NFE2L2: variants seen among roughly 807,000 people sequenced by gnomAD.
NFE2L2 encodes the protein NFE2 like bZIP transcription factor 2, also known as nuclear factor erythroid 2-related factor 2.
Under a neutral mutation model 49.6 loss-of-function variants are expected in NFE2L2, and 20 were observed. That is an observed-to-expected ratio of 0.40 (90% CI 0.28 to 0.59). NFE2L2 has a LOEUF of 0.59. Ranked by LOEUF, NFE2L2 falls within the 20% of genes least tolerant of loss-of-function variation. The probability of loss-of-function intolerance (pLI) is 0.40; values close to 1 mark genes in which losing one functional copy is unlikely to be tolerated. For synonymous variants in NFE2L2, 244 were observed against 256.5 expected (o/e 0.95, Z 0.47); for missense variants, 578 against 714.2 (o/e 0.81, Z 2.17).
intron 1 of NFE2L2, among the ~76,000 whole-genome samples, chr2:177,242,008 A>G (rs187169453): frequency 1.7e-4 from 26 of 152,318 alleles, no homozygotes; most frequent in African/African-American, 6.3e-4. Context: ...GTATCTGCCT[A>G]TTTACTTCTC....
intron 1 of NFE2L2, among the ~76,000 whole-genome samples, chr2:177,239,996 T>C (rs1375736134): frequency 6.6e-6 from 1 of 151,972 alleles, no homozygotes; most frequent in African/African-American, 2.4e-5. Flanking sequence ...AGACTCACTG[T>C]TGGGGACCAC....
Position 177,231,340 on chromosome 2 carries a change from T to C in NFE2L2, c.1263A>G (p.Gln421=), listed in dbSNP as rs953784008. The change falls in exon 5 of 5, where the codon CAA becomes CAG. Residue 421 remains glutamine (Q), a synonymous_variant. Coordinates refer to ENST00000397062, the MANE Select transcript of NFE2L2 (RefSeq NM_006164.5). ...ATTCTTTCTCTGGTGTGTTCTCACA[T>C]TGGGCATCATGCACGTGAGTGCTCT... ...QGQSTHVHDA[Q]CENTPEKELP... 1.1e-5 allele frequency: 17 copies of C among 1,614,158 alleles called. No homozygotes were observed. The highest frequency in any genetic ancestry group is 4.5e-5 in the East Asian group (2 of 44,908).
At chr2:177,260,526 T>C (rs1690694809) in intron 1 of NFE2L2, among the ~76,000 whole-genome samples, 1 of 152,234 alleles carries the variant, frequency 6.6e-6, no homozygotes, top group African/African-American at 2.4e-5. Flanking sequence ...GCCCTTATGC[T>C]TGCTATAGTT....
intron 1 of NFE2L2, among the ~76,000 whole-genome samples, chr2:177,260,435 C>T (rs1342607057): frequency 6.6e-6 from 1 of 152,146 alleles, no homozygotes; most frequent in African/African-American, 2.4e-5. Flanking sequence ...AACAACTTAA[C>T]AATAAGGACT....
In NFE2L2 at chr2:177,233,241, A is replaced by G. The variant is rs1191100923; in HGVS notation, c.402+9T>C. 2 of 1,580,226 alleles carry G rather than the reference A, an allele frequency of 1.3e-6. No individual in the cohort carries two copies. The highest frequency in any genetic ancestry group is 1.7e-6 in the Non-Finnish European group (2 of 1,168,880). The stretch of plus-strand genomic sequence containing the variant: ...GTTTTTCTATTAACCAGGTTATTTT[A>G]TACCTCACCTCATTGTCATCTACAA... On this transcript the variant is annotated intron_variant, in intron 3 of 4. Transcript: ENST00000397062.
chr2:177,239,715 G>T (rs1401722371), intron 1 of NFE2L2, among the ~76,000 whole-genome samples: 1 of 151,872 alleles, frequency 6.6e-6, no homozygotes, highest in African/African-American at 2.4e-5. Context: ...TGCTATGAGA[G>T]GTCTCAAAAC....
At chr2:177,247,512 T>A (rs1038316303) in intron 1 of NFE2L2, among the ~76,000 whole-genome samples, 1 of 151,550 alleles carries the variant, frequency 6.6e-6, no homozygotes, top group Admixed American at 6.6e-5. Context: ...ATACAAAAAA[T>A]TAGCCGGGCG....
chr2:177,261,170 C>CAAAAAAA (rs59040355), intron 1 of NFE2L2, among the ~76,000 whole-genome samples: 6 of 120,104 alleles, frequency 5.0e-5, no homozygotes, highest in East Asian at 2.7e-4. Flanking sequence ...GACTTCATCT[C>CAAAAAAA]AAAAAAAAAA....
At position 177,255,155 on chromosome 2, in the gene NFE2L2, T is replaced by C. The variant is rs79225171; in HGVS notation, c.45+9377A>G. ...CCTGCAGAGGCAGAAGGGAGGGAGA[T>C]GAATGAGCTTCTATCTAGGCGAGTC... On this transcript the variant is annotated intron_variant, in intron 1 of 4. Coordinates refer to ENST00000397062, the MANE Select transcript of NFE2L2 (RefSeq NM_006164.5). Among the ~76,000 whole-genome samples the C allele has an allele frequency of 6.1e-3, 932 of 152,328 alleles. 10 individuals carry two copies. The highest frequency in any genetic ancestry group is 0.021 in the African/African-American group (886 of 41,568).
At chr2:177,241,834 TAAAAC>T (rs1321719476) in intron 1 of NFE2L2, among the ~76,000 whole-genome samples, 6 of 152,168 alleles carry the variant, frequency 3.9e-5, no homozygotes, top group Admixed American at 2.0e-4. Flanking sequence ...AGCCCTGTCT[TAAAAC>T]AAAACAAAAG....
Position 177,233,253 on chromosome 2 carries a change from A to G in NFE2L2, c.399T>C (p.Asn133=), listed in dbSNP as rs750106903. The change falls in exon 3 of 5, where the codon AAT becomes AAC. Residue 133 remains asparagine, a synonymous_variant. Transcript: ENST00000397062. The stretch of plus-strand genomic sequence containing the variant: ...ACCAGGTTATTTTATACCTCACCTC[A>G]TTGTCATCTACAAACGGGAATGTCT... The part of the protein sequence containing the change: ...LAQTFPFVDD[N]EVSSATFQSL... 1 of 1,588,972 alleles carries G rather than the reference A, an allele frequency of 6.3e-7. No homozygotes were observed. The highest frequency in any genetic ancestry group is 2.3e-5 in the East Asian group (1 of 43,796).
rs564843562 is a variant in NFE2L2, at chr2:177,257,222, G to A, written c.45+7310C>T. ...GCTTCCTAGAGTAAGACAGTGTTCC[G>A]TCCTGGCCTCCAGGATGTTCAACAC... On this transcript the variant is annotated intron_variant, in intron 1 of 4. Transcript: ENST00000397062. Among the ~76,000 whole-genome samples the A allele has an allele frequency of 2.6e-4, 39 of 152,302 alleles. 1 individual carries two copies. The highest frequency in any genetic ancestry group is 2.5e-3 in the Admixed American group (38 of 15,304).
Position 177,230,489 on chromosome 2 carries a change from TATGAATATAACAA to T in NFE2L2, c.*283_*295del. The T allele has an allele frequency of 3.5e-6, 1 of 282,576 alleles. No individual in the cohort carries two copies. Among genetic ancestry groups the T allele is most frequent in the South Asian group, 1.5e-4 (1 of 6,698 alleles). The allele number at this position is 282,576 out of a possible 1,614,324, so 17.5% of individuals were successfully genotyped here. On this transcript the variant is annotated 3_prime_UTR_variant, in exon 5 of 5. Coordinates refer to ENST00000397062, the MANE Select transcript of NFE2L2 (RefSeq NM_006164.5). ...CAGATGTCATATCATCATATAAATC[TATGAATATAACAA>T]ATGACATAAGAACAGTATAAATAAG...
chr2:177,249,827 T>C (rs1690269205), intron 1 of NFE2L2, among the ~76,000 whole-genome samples: 1 of 152,232 alleles, frequency 6.6e-6, no homozygotes, highest in African/African-American at 2.4e-5. Flanking sequence ...TTTATACTAT[T>C]TCTGTTTTAA....
chr2:177,263,229 C>G lies in NFE2L2; in HGVS notation c.45+1303G>C, dbSNP rs1296856026. Among the ~76,000 whole-genome samples, 3 of 152,230 alleles carry G rather than the reference C, an allele frequency of 2.0e-5. No individual in the cohort carries two copies. The East Asian group carries it at 5.8e-4, about 29-fold the overall frequency. ...ATTAGCAAGTGTTTTGAAACGCAAG[C>G]GTTCCACTCTCTGCCCCTGCAGAAG... On this transcript the variant is annotated intron_variant, in intron 1 of 4. Coordinates refer to ENST00000397062, the MANE Select transcript of NFE2L2 (RefSeq NM_006164.5).
intron 1 of NFE2L2, among the ~76,000 whole-genome samples, chr2:177,258,400 A>T (rs1254178195): frequency 6.6e-6 from 1 of 152,212 alleles, no homozygotes; most frequent in South Asian, 2.1e-4. Context: ...AGGCAAATCC[A>T]TAGGTACAGA....
rs747530959 is a variant in NFE2L2, at chr2:177,232,416, C to T, written c.570G>A (p.Glu190=). 30 of 1,613,678 alleles carry T rather than the reference C, an allele frequency of 1.9e-5. No homozygotes were observed. The highest frequency in any genetic ancestry group is 2.5e-5 in the Non-Finnish European group (29 of 1,179,832). The change falls in exon 4 of 5, where the codon GAG becomes GAA. Residue 190 remains glutamate (E), a synonymous_variant. Transcript: ENST00000397062. ...MQQDIEQVWE[E]LLSIPELQCL... ...CCTGTAACTCAGGAATGGATAATAG[C>T]TCCTCCCAAACTTGCTCAATGTCCT... is the stretch of plus-strand genomic sequence containing the variant.
intron 1 of NFE2L2, among the ~76,000 whole-genome samples, chr2:177,262,348 GT>G (rs1690771469): frequency 6.6e-6 from 1 of 152,194 alleles, no homozygotes; most frequent in Non-Finnish European, 1.5e-5. Flanking sequence ...GTAATGGATG[GT>G]TCCTTCCACC....
At chr2:177,255,337 C>T (rs916725774) in intron 1 of NFE2L2, among the ~76,000 whole-genome samples, 4 of 152,188 alleles carry the variant, frequency 2.6e-5, no homozygotes, top group Non-Finnish European at 5.9e-5. Flanking sequence ...GAAGTCACTG[C>T]CCTAAGGATT....
Sources: gnomAD v4.1 joint callset for allele counts (sites outside exome capture counted in the v4.1 genomes callset) on GRCh38, gnomAD v4.1.1 for gene constraint, MANE v1.5 for transcripts, NCBI Gene and HGNC (gene_info 2026-07-23, HGNC 2026-07-21) for gene names.